The following SLC25A26 variants were observed in gnomAD, a reference collection of about 807,000 sequenced individuals.
The protein encoded by SLC25A26 is mitochondrial S-adenosylmethionine carrier protein.
A neutral mutation model predicts 37.8 loss-of-function variants in SLC25A26; 36 were observed. The ratio of observed to expected loss-of-function variants is 0.95; its 90% CI spans 0.73 to 1.26. The LOEUF (loss-of-function observed/expected upper bound fraction) is 1.26, where lower values mean the gene tolerates loss of function less well. Among genes scored for constraint, SLC25A26 ranks in the 50% most tolerant of loss-of-function variants. The pLI is 0.00. For synonymous variants in SLC25A26, 129 were observed against 122.5 expected (o/e 1.05, Z -0.35); for missense variants, 390 against 331.1 (o/e 1.18, Z -1.38).
chr3:66,212,101 A>G (rs2071291700), intron 1 of SLC25A26, among the ~76,000 whole-genome samples: 1 of 152,142 alleles, frequency 6.6e-6, no homozygotes, highest in Non-Finnish European at 1.5e-5. Context: ...GTATATTGTT[A>G]TGATTGTCCT....
chr3:66,236,141 G>C (rs954389922), intron 1 of SLC25A26, among the ~76,000 whole-genome samples: 1 of 149,102 alleles, frequency 6.7e-6, no homozygotes, highest in African/African-American at 2.5e-5. Flanking sequence ...TGAACTCCTG[G>C]CCTCAAGTGA....
At position 66,376,381 on chromosome 3, in the gene SLC25A26, TC is replaced by T. The variant is rs201369112; in HGVS notation, c.708-1307del. Among the ~76,000 whole-genome samples the T allele has an allele frequency of 9.1e-3, 1,375 of 151,764 alleles. 31 individuals are homozygous for T. Among genetic ancestry groups the T allele is most frequent in the African/African-American group, 0.032 (1,324 of 41,358 alleles). ...GAGAAATCTTTCATGAAAAGAAGAG[TC>T]CATCAATGCAACAATTACTATTTTT... On this transcript the variant is annotated intron_variant, in intron 9 of 9. Coordinates refer to ENST00000354883, the MANE Select transcript of SLC25A26 (RefSeq NM_001379210.1).
At chr3:66,313,341 T>C (rs963837976) in intron 5 of SLC25A26, among the ~76,000 whole-genome samples, 1 of 152,186 alleles carries the variant, frequency 6.6e-6, no homozygotes, top group Admixed American at 6.5e-5. Context: ...TTGATATGGC[T>C]TGCCAGTTCT....
chr3:66,197,996 G>A (rs2106807116), intron 1 of SLC25A26, among the ~76,000 whole-genome samples: 1 of 152,170 alleles, frequency 6.6e-6, no homozygotes, highest in Admixed American at 6.5e-5. Flanking sequence ...ATAAGGTTAA[G>A]GGTGAGTGTA....
At chr3:66,267,231 T>C (rs574761681) in intron 5 of SLC25A26, among the ~76,000 whole-genome samples, 33 of 152,340 alleles carry the variant, frequency 2.2e-4, no homozygotes, top group African/African-American at 7.7e-4. Context: ...TTCTTAATTG[T>C]TGAAGGAGTG....
intron 3 of SLC25A26, among the ~76,000 whole-genome samples, chr3:66,259,067 T>C (rs1360520672): frequency 6.6e-6 from 1 of 152,068 alleles, no homozygotes; most frequent in Admixed American, 6.5e-5. Flanking sequence ...ACTCACCTGA[T>C]TGTGGTCCTC....
intron 1 of SLC25A26, among the ~76,000 whole-genome samples, chr3:66,190,806 T>G (rs943779471): frequency 6.6e-6 from 1 of 152,256 alleles, no homozygotes. Flanking sequence ...TTCAATGATA[T>G]CTGCTTTAAC....
upstream of SLC25A26, among the ~76,000 whole-genome samples, chr3:66,216,915 G>C (rs2071370497): frequency 6.6e-6 from 1 of 152,142 alleles, no homozygotes; most frequent in African/African-American, 2.4e-5. Context: ...TGCACAAGTA[G>C]TAATGAGTCT....
chr3:66,171,862 A>G (rs1036317211), intron 1 of SLC25A26, among the ~76,000 whole-genome samples: 1 of 152,236 alleles, frequency 6.6e-6, no homozygotes, highest in Non-Finnish European at 1.5e-5. Context: ...CTGGAAATAC[A>G]GAAAGGAATC....
chr3:66,366,850 A>T (rs377299317), intron 7 of SLC25A26, among the ~76,000 whole-genome samples: 11 of 152,236 alleles, frequency 7.2e-5, no homozygotes, highest in African/African-American at 2.4e-4. Context: ...TGACAGTCCC[A>T]GGTCCCGCAC....
intron 1 of SLC25A26, among the ~76,000 whole-genome samples, chr3:66,183,062 T>A (rs1435889826): frequency 6.6e-6 from 1 of 152,026 alleles, no homozygotes; most frequent in African/African-American, 2.4e-5. Context: ...TGTGTTTTGG[T>A]TATTCTATAC....
intron 1 of SLC25A26, among the ~76,000 whole-genome samples, chr3:66,170,151 T>G (rs895863505): frequency 3.3e-5 from 5 of 152,228 alleles, no homozygotes; most frequent in Non-Finnish European, 5.9e-5. Flanking sequence ...AATAATCTAT[T>G]AAAGAAATAC....
At chr3:66,141,515 A>ATTT (rs35691470) in intron 1 of SLC25A26, among the ~76,000 whole-genome samples, 156 of 146,320 alleles carry the variant, frequency 1.1e-3, no homozygotes, top group African/African-American at 3.8e-3. Context: ...AATAGTGTGA[A>ATTT]TTTTTTTTTT....
Position 66,236,529 on chromosome 3 carries a change from C to CTT in SLC25A26, c.34-7_34-6dup. ...CCTTTTTTTTTTCTTTTTCTTCCCTCTTTTTTTTTCAAAGGCTGGTGGGGT... is the reference window on the plus strand; with the variant it reads ...CCTTTTTTTTTTCTTTTTCTTCCCTCTTTTTTTTTTTCAAAGGCTGGTGGGGT... On this transcript the variant is annotated splice_polypyrimidine_tract_variant and intron_variant, in intron 1 of 9. Coordinates refer to ENST00000354883, the MANE Select transcript of SLC25A26 (RefSeq NM_001379210.1). 6 of 1,382,306 alleles carry CTT rather than the reference C, an allele frequency of 4.3e-6. No individual in the cohort carries two copies. The highest frequency in any genetic ancestry group is 3.2e-5 in the South Asian group (2 of 62,596). 85.6% of individuals were successfully genotyped at this position (1,382,306 alleles called of 1,614,324 possible).
At chr3:66,227,984 T>C (rs2071835784) in intron 1 of SLC25A26, among the ~76,000 whole-genome samples, 1 of 152,264 alleles carries the variant, frequency 6.6e-6, no homozygotes, top group South Asian at 2.1e-4. Flanking sequence ...AGGGCATCTT[T>C]AAAGATTATC....
At chr3:66,340,326 G>A (rs539257198) in intron 5 of SLC25A26, among the ~76,000 whole-genome samples, 1 of 152,174 alleles carries the variant, frequency 6.6e-6, no homozygotes, top group African/African-American at 2.4e-5. Flanking sequence ...AATTTTGGTG[G>A]TGGATTTTGG....
intron 1 of SLC25A26, among the ~76,000 whole-genome samples, chr3:66,213,782 T>C (rs1476630534): frequency 1.3e-5 from 2 of 152,070 alleles, no homozygotes; most frequent in African/African-American, 4.8e-5. Context: ...GCTTCACCTG[T>C]TCATTGCTCC....
chr3:66,248,576 A>G (rs994340565), intron 3 of SLC25A26, among the ~76,000 whole-genome samples: 3 of 152,180 alleles, frequency 2.0e-5, no homozygotes, highest in Admixed American at 6.5e-5. Flanking sequence ...TATTGTCAGA[A>G]ATGAAAAAAA....
At chr3:66,304,870 A>G (rs185929576) in intron 5 of SLC25A26, among the ~76,000 whole-genome samples, 43 of 152,344 alleles carry the variant, frequency 2.8e-4, no homozygotes, top group African/African-American at 8.9e-4. Context: ...AACATGTACT[A>G]TGATTTATAG....
Sources: gnomAD v4.1 joint callset for allele counts (sites outside exome capture counted in the v4.1 genomes callset) on GRCh38, gnomAD v4.1.1 for gene constraint, MANE v1.5 for transcripts, NCBI Gene and HGNC (gene_info 2026-07-23, HGNC 2026-07-21) for gene names.